ANTXR1: variants seen among roughly 807,000 people sequenced by gnomAD.
ANTXR1 encodes anthrax toxin receptor 1.
In ANTXR1, 19 loss-of-function variants were observed where a neutral mutation model predicts 78.1. The observed-to-expected ratio is 0.24, with a 90% CI of 0.17 to 0.36. The LOEUF is 0.36. Among genes scored for constraint, ANTXR1 ranks in the 10% least tolerant of loss-of-function variants. The probability of loss-of-function intolerance (pLI) is 1.00; values close to 1 mark genes in which losing one functional copy is unlikely to be tolerated. For synonymous variants in ANTXR1, 273 were observed against 260.5 expected (o/e 1.05, Z -0.46); for missense variants, 518 against 718.6 (o/e 0.72, Z 3.19).
At chr2:69,218,798 G>A (rs1675241873) in intron 17 of ANTXR1, among the ~76,000 whole-genome samples, 1 of 152,106 alleles carries the variant, frequency 6.6e-6, no homozygotes, top group African/African-American at 2.4e-5. Context: ...TTAATAAAAG[G>A]CTTACAGAAA....
chr2:69,088,737 G>T (rs552775769), intron 8 of ANTXR1, among the ~76,000 whole-genome samples: 6 of 152,194 alleles, frequency 3.9e-5, no homozygotes, highest in African/African-American at 1.2e-4. Context: ...TGCTATATGC[G>T]CAAGAGACCG....
intron 10 of ANTXR1, among the ~76,000 whole-genome samples, chr2:69,106,744 G>A (rs1671819589): frequency 6.6e-6 from 1 of 152,178 alleles, no homozygotes; most frequent in South Asian, 2.1e-4. Context: ...TTCACCCTGT[G>A]GGAGTCTTCC....
At chr2:69,241,811 CAG>C (rs770570349) in intron 17 of ANTXR1, among the ~76,000 whole-genome samples, 16 of 152,162 alleles carry the variant, frequency 1.1e-4, no homozygotes, top group Admixed American at 2.0e-4. Context: ...TCCCCACCTG[CAG>C]AGAGACAGCA....
rs119475040 is a variant in ANTXR1, at chr2:69,152,193, G to T, written c.976G>T (p.Ala326Ser). The change falls in exon 13 of 18, where the codon GCC becomes TCC. Residue 326 changes from alanine to serine, a missense_variant. Ala to Ser is a moderately conservative substitution (Grantham distance 99, BLOSUM62 1). Transcript: ENST00000303714. ...HCSDGSILAI[A>S]LLILFLLLAL... ...GTCTGACGGTTCCATCCTGGCCATCGCCCTGCTGATCCTGTTCCTGCTCCT... is the reference window on the plus strand; with the variant it reads ...GTCTGACGGTTCCATCCTGGCCATCTCCCTGCTGATCCTGTTCCTGCTCCT... 6.2e-7 allele frequency: 1 copy of T among 1,613,952 alleles called. No homozygotes were observed. The highest frequency in any genetic ancestry group is 1.1e-5 in the South Asian group (1 of 91,086).
intron 2 of ANTXR1, among the ~76,000 whole-genome samples, chr2:69,043,970 C>G (rs562321215): frequency 1.3e-5 from 2 of 152,250 alleles, no homozygotes; most frequent in South Asian, 4.1e-4. Flanking sequence ...GACGGAAGAA[C>G]AAGTTGGACA....
At chr2:69,025,812 T>C (rs1035084479) in intron 1 of ANTXR1, among the ~76,000 whole-genome samples, 1 of 152,222 alleles carries the variant, frequency 6.6e-6, no homozygotes. Context: ...TCTATGCTTG[T>C]TGTCCCAGCA....
chr2:69,025,289 G>A (rs566987944), intron 1 of ANTXR1, among the ~76,000 whole-genome samples: 1 of 152,194 alleles, frequency 6.6e-6, no homozygotes, highest in South Asian at 2.1e-4. Flanking sequence ...TTCATTCAAA[G>A]TTCCTTCCTT....
intron 17 of ANTXR1, among the ~76,000 whole-genome samples, chr2:69,207,367 GA>G (rs36019787): frequency 6.6e-6 from 1 of 152,074 alleles, no homozygotes; most frequent in African/African-American, 2.4e-5. Flanking sequence ...GTTCCCCCAT[GA>G]AAAAACGCAG....
chr2:69,205,850 C>G (rs1475385709), intron 17 of ANTXR1, among the ~76,000 whole-genome samples: 1 of 152,172 alleles, frequency 6.6e-6, no homozygotes, highest in African/African-American at 2.4e-5. Context: ...AAACACTAAA[C>G]TTTTATTATA....
At chr2:69,026,090 A>G (rs1056852496) in intron 1 of ANTXR1, among the ~76,000 whole-genome samples, 1 of 152,228 alleles carries the variant, frequency 6.6e-6, no homozygotes, top group Non-Finnish European at 1.5e-5. Flanking sequence ...GAAGTTCTTT[A>G]ATACCTCTCA....
At chr2:69,052,419 T>C (rs1669955368) in intron 3 of ANTXR1, among the ~76,000 whole-genome samples, 1 of 152,100 alleles carries the variant, frequency 6.6e-6, no homozygotes, top group Non-Finnish European at 1.5e-5. Flanking sequence ...ATCTTAACTA[T>C]CTTTCCCCTT....
intron 17 of ANTXR1, among the ~76,000 whole-genome samples, chr2:69,207,756 C>T (rs193072312): frequency 1.2e-3 from 177 of 152,234 alleles, no homozygotes; most frequent in African/African-American, 4.1e-3. Flanking sequence ...ATAGCTTGTA[C>T]CCACATTCAG....
intron 3 of ANTXR1, among the ~76,000 whole-genome samples, chr2:69,061,906 G>A (rs1196387346): frequency 6.6e-6 from 1 of 152,222 alleles, no homozygotes; most frequent in Non-Finnish European, 1.5e-5. Context: ...GATATTCAGA[G>A]ATGTGAAAAG....
At chr2:69,176,794 G>T (rs907523653) in intron 14 of ANTXR1, among the ~76,000 whole-genome samples, 3 of 152,186 alleles carry the variant, frequency 2.0e-5, no homozygotes, top group African/African-American at 7.2e-5. Context: ...CTACTGCCTT[G>T]GGTTTGATTC....
intron 9 of ANTXR1, among the ~76,000 whole-genome samples, chr2:69,097,358 T>C (rs924465362): frequency 1.3e-5 from 2 of 152,272 alleles, no homozygotes; most frequent in Non-Finnish European, 2.9e-5. Context: ...AGCAGTTGTA[T>C]TCCTACTGTG....
intron 10 of ANTXR1, among the ~76,000 whole-genome samples, chr2:69,108,297 C>A (rs1671874318): frequency 6.6e-6 from 1 of 152,034 alleles, no homozygotes; most frequent in Admixed American, 6.5e-5. Flanking sequence ...CTTGTGTCTT[C>A]CTGGAAAACT....
At chr2:69,084,046 G>C (rs1670972717) in intron 8 of ANTXR1, among the ~76,000 whole-genome samples, 2 of 152,180 alleles carry the variant, frequency 1.3e-5, no homozygotes, top group Admixed American at 1.3e-4. Context: ...AGATTGCAGA[G>C]GGGCATGTTC....
intron 8 of ANTXR1, among the ~76,000 whole-genome samples, chr2:69,080,156 GT>G (rs1182923192): frequency 2.0e-5 from 3 of 152,248 alleles, no homozygotes; most frequent in African/African-American, 7.2e-5. Context: ...CGAAACCCAT[GT>G]TTATGGCAGT....
intron 17 of ANTXR1, among the ~76,000 whole-genome samples, chr2:69,215,172 C>T (rs776791890): frequency 6.6e-6 from 1 of 152,230 alleles, no homozygotes; most frequent in East Asian, 1.9e-4. Context: ...TCCAAGCTCT[C>T]CAAGTAGCCC....
Sources: allele counts gnomAD v4.1 joint callset (sites outside exome capture counted in the v4.1 genomes callset), GRCh38; gene constraint gnomAD v4.1.1; transcripts MANE v1.5; gene names NCBI Gene and HGNC (gene_info 2026-07-23, HGNC 2026-07-21).